Variants in IQGAP1 observed in about 807,000 individuals in gnomAD.
IQGAP1 encodes ras GTPase-activating-like protein IQGAP1.
Under a neutral mutation model 215.6 loss-of-function variants are expected in IQGAP1, and 66 were observed. The ratio of observed to expected loss-of-function variants is 0.31; its 90% CI spans 0.25 to 0.38. IQGAP1 has a LOEUF of 0.38. Among genes scored for constraint, IQGAP1 ranks in the 10% least tolerant of loss-of-function variants. IQGAP1 has a pLI of 1.00. For missense variants in IQGAP1, 1,712 were observed against 1,997.1 expected (o/e 0.86, Z 2.72); for synonymous variants, 772 against 728.7 (o/e 1.06, Z -0.96).
chr15:90,395,963 G>GC (rs1273479118), intron 2 of IQGAP1, among the ~76,000 whole-genome samples: 6 of 152,188 alleles, frequency 3.9e-5, no homozygotes, highest in African/African-American at 1.4e-4. Context: ...GCTGCTGAGT[G>GC]CCCGTACCCT....
At chr15:90,415,150 C>G (rs1004600800) in intron 2 of IQGAP1, among the ~76,000 whole-genome samples, 1 of 152,136 alleles carries the variant, frequency 6.6e-6, no homozygotes, top group Non-Finnish European at 1.5e-5. Flanking sequence ...GATATTGTTA[C>G]TTTACTTTGT....
rs762319697 is a variant in IQGAP1, at chr15:90,473,757, C to T, written c.2392C>T (p.Arg798Trp). 14 of 1,611,764 alleles carry T rather than the reference C, an allele frequency of 8.7e-6. No homozygotes were observed. Among genetic ancestry groups the T allele is most frequent in the Admixed American group, 1.7e-5 (1 of 59,712 alleles). The change falls in exon 20 of 38, where the codon CGG becomes TGG. Residue 798 changes from arginine to tryptophan, a missense_variant. Transcript: ENST00000268182. ...GYKQKKAYQD[R>W]LAYLRSHKDE... ...CAAGCAGAAGAAGGCATATCAAGAT[C>T]GGTTAGCTTACCTGCGCTCCCACAA...
rs1432894542 is a variant in IQGAP1 at position 90,402,795 on chromosome 15, A to T, written c.155+11922A>T. 2.6e-5 allele frequency among the ~76,000 whole-genome samples: 4 copies of T among 152,170 alleles called. No homozygotes were observed. In the East Asian group the frequency reaches 7.7e-4, roughly 29 times the overall value. ...GAAAAGTTGAAAAGAAGAGAAAAAA[A>T]ACTTACAATCATTAAAAATAGGAAA... On this transcript the variant is annotated intron_variant, in intron 2 of 37. Transcript: ENST00000268182.
rs1215896222 is a variant in IQGAP1, at chr15:90,496,318, T to G, written c.4752-914T>G. Among the ~76,000 whole-genome samples, 441 of 58,624 alleles carry G rather than the reference T, an allele frequency of 7.5e-3. 2 individuals carry two copies. Among genetic ancestry groups the G allele is most frequent in the Non-Finnish European group, 0.011 (333 of 30,680 alleles). 38.5% of individuals were successfully genotyped at this position (58,624 alleles called of 152,430 possible). A position where few individuals can be genotyped will look rare whatever the true frequency, so the allele number is the denominator to read the frequency against. On this transcript the variant is annotated intron_variant, in intron 36 of 37. Coordinates refer to ENST00000268182, the MANE Select transcript of IQGAP1 (RefSeq NM_003870.4). ...AACAGCATAATCCCTTTTTTTTTTT[T>G]TTTTTTTTTTTTTTTTTGAGACGGA...
chr15:90,417,655 C>T (rs1362534222), intron 2 of IQGAP1, among the ~76,000 whole-genome samples: 2 of 152,110 alleles, frequency 1.3e-5, no homozygotes, highest in African/African-American at 4.8e-5. Context: ...ATGATGCTTC[C>T]AGCTTTGTTC....
chr15:90,412,462 G>A (rs1964980431), intron 2 of IQGAP1, among the ~76,000 whole-genome samples: 1 of 152,002 alleles, frequency 6.6e-6, no homozygotes, highest in African/African-American at 2.4e-5. Context: ...CCTTCCAAGG[G>A]TCTGCACATT....
intron 15 of IQGAP1, among the ~76,000 whole-genome samples, chr15:90,464,698 A>G (rs1009141829): frequency 6.6e-6 from 1 of 152,142 alleles, no homozygotes; most frequent in African/African-American, 2.4e-5. Flanking sequence ...AAAAAATACA[A>G]AAAATTAGCT....
intron 30 of IQGAP1, among the ~76,000 whole-genome samples, chr15:90,485,205 G>C (rs1265129576): frequency 6.6e-6 from 1 of 152,142 alleles, no homozygotes; most frequent in Non-Finnish European, 1.5e-5. Context: ...TCAGGTTACT[G>C]TCATTTCTGA....
rs1403541346 is a variant in IQGAP1, at chr15:90,441,521, T to C, written c.665T>C (p.Ile222Thr). The C allele has an allele frequency of 2.5e-6, 4 of 1,613,048 alleles. No homozygotes were observed. The highest frequency in any genetic ancestry group is 2.2e-5 in the East Asian group (1 of 44,888). ...VDEAALHAAV[I>T]AINEAIDRRI... The stretch of plus-strand genomic sequence containing the variant: ...TTTTTTTTAGTACATGCTGCTGTTA[T>C]TGCTATTAATGAAGCTATTGACCGT... Residue 222 changes from isoleucine (I) to threonine (T), a missense_variant, in exon 8 of 38, where the codon ATT becomes ACT. Ile to Thr is a moderately conservative substitution (Grantham distance 89). Coordinates refer to ENST00000268182, the MANE Select transcript of IQGAP1 (RefSeq NM_003870.4).
intron 2 of IQGAP1, among the ~76,000 whole-genome samples, chr15:90,413,683 C>T (rs1965001897): frequency 6.6e-6 from 1 of 152,176 alleles, no homozygotes; most frequent in Non-Finnish European, 1.5e-5. Flanking sequence ...AAGTTAATTA[C>T]TTCTAAATTC....
chr15:90,420,044 G>A (rs1207436002), intron 2 of IQGAP1, among the ~76,000 whole-genome samples: 1 of 152,128 alleles, frequency 6.6e-6, no homozygotes, highest in Non-Finnish European at 1.5e-5. Context: ...TCTGTGGGTA[G>A]GTGCTATTAT....
At position 90,491,430 on chromosome 15, in the gene IQGAP1, A is replaced by C; in HGVS notation, c.4346A>C (p.Asn1449Thr). 6 of 1,614,118 alleles carry C rather than the reference A, an allele frequency of 3.7e-6. No homozygotes were observed. Among genetic ancestry groups the C allele is most frequent in the Non-Finnish European group, 5.1e-6 (6 of 1,179,966 alleles). ...TCAAAATCTGTAAAGGAAGACAGCA[A>C]CCTCACTCTTCAAGAGAAGAAAGAG... ...KKSKSVKEDSNLTLQEKKEKI... is the reference protein window; with the variant it reads ...KKSKSVKEDSTLTLQEKKEKI... Residue 1449 changes from asparagine (N) to threonine (T), a missense_variant, in exon 34 of 38, where the codon AAC (asparagine) becomes ACC (threonine). By Grantham distance (65) the Asn-to-Thr change is moderately conservative. This residue lies in a region of IQGAP1 where 691 missense variants were observed against 923.0 expected (regional missense o/e 0.75). Transcript: ENST00000268182.
Position 90,440,619 on chromosome 15 carries a change from A to G in IQGAP1, c.649+4A>G. The G allele has an allele frequency of 6.5e-7, 1 of 1,548,088 alleles. No homozygotes were observed. Among genetic ancestry groups the G allele is most frequent in the East Asian group, 2.4e-5 (1 of 41,908 alleles). The stretch of plus-strand genomic sequence containing the variant: ...CTGTCAGTGGATGAAGCCGCATGTA[A>G]GAAGAGAGAAATTTTGTGGGTTCAA... On this transcript the variant is annotated splice_donor_region_variant and intron_variant, in intron 7 of 37. Coordinates refer to ENST00000268182, the MANE Select transcript of IQGAP1 (RefSeq NM_003870.4).
chr15:90,471,558 G>A (rs1965905447), intron 18 of IQGAP1, among the ~76,000 whole-genome samples: 1 of 150,532 alleles, frequency 6.6e-6, no homozygotes, highest in Admixed American at 6.6e-5. Context: ...GGAATGCAAT[G>A]GCGCGATCTT....
intron 33 of IQGAP1, 135 bp from the exon 34 acceptor site, chr15:90,491,198 G>A: frequency 1.5e-6 from 1 of 675,842 alleles, no homozygotes. Context: ...ATTTGGCAGG[G>A]GGCAGAATTT....
intron 33 of IQGAP1, among the ~76,000 whole-genome samples, chr15:90,490,831 C>T (rs145471659): frequency 9.6e-4 from 146 of 152,188 alleles, no homozygotes; most frequent in Middle Eastern, 6.8e-3. Flanking sequence ...TTTTTTGAGA[C>T]GGAGTCTCGC....
chr15:90,440,440 C>T (rs1449925179), intron 6 of IQGAP1, 62 bp from the exon 7 acceptor site: 1 of 1,147,428 alleles, frequency 8.7e-7, no homozygotes, highest in Admixed American at 2.1e-5. Flanking sequence ...GAATATGTTT[C>T]CTTCTCTTGG....
At chr15:90,390,053 G>A (rs1050660855) in intron 1 of IQGAP1, among the ~76,000 whole-genome samples, 1 of 152,196 alleles carries the variant, frequency 6.6e-6, no homozygotes, top group Non-Finnish European at 1.5e-5. Flanking sequence ...GGGATACTGT[G>A]TTGGGAACTG....
chr15:90,482,472 G>A (rs528816711), intron 28 of IQGAP1, among the ~76,000 whole-genome samples, 191 bp downstream of exon 28: 20 of 152,232 alleles, frequency 1.3e-4, no homozygotes, highest in African/African-American at 4.6e-4. Context: ...CTATAGTTTG[G>A]CACACAAACA....
Sources: gnomAD v4.1 joint callset for allele counts (sites outside exome capture counted in the v4.1 genomes callset) on GRCh38, gnomAD v4.1.1 for gene constraint, gnomAD v4.1.1 regional missense constraint, MANE v1.5 for transcripts, NCBI Gene and HGNC (gene_info 2026-07-23, HGNC 2026-07-21) for gene names.